The following CACNA1B variants were observed in gnomAD, a reference collection of about 807,000 sequenced individuals.
CACNA1B encodes voltage-dependent N-type calcium channel subunit alpha-1B.
In CACNA1B, 70 loss-of-function variants were observed where a neutral mutation model predicts 247.2. The observed-to-expected ratio is 0.28, with a 90% CI of 0.23 to 0.35. The LOEUF is 0.35. CACNA1B is among the 10% of genes least tolerant of loss of function. CACNA1B has a pLI of 1.00. For synonymous variants in CACNA1B, 1,231 were observed against 1,294.4 expected (o/e 0.95, Z 1.05); for missense variants, 2,367 against 3,197.4 (o/e 0.74, Z 6.26).
intron 35 of CACNA1B, among the ~76,000 whole-genome samples, chr9:138,076,309 C>T (rs7036881): frequency 0.014 from 2,190 of 152,296 alleles, 47 homozygotes; most frequent in Non-Finnish European, 0.015. Flanking sequence ...CACCTGCGCC[C>T]TTGTTGATTA....
At chr9:137,878,274 G>C in intron 1 of CACNA1B, 57 bp downstream of exon 1, 1 of 1,147,244 alleles carries the variant, frequency 8.7e-7, no homozygotes, top group Non-Finnish European at 1.1e-6. Context: ...GGGGGCCGGG[G>C]CCGGGGCCAT....
chr9:138,050,194 C>A lies in CACNA1B; in HGVS notation c.3710+879C>A. ...CACCCCCCGCCCATCCACTTTCACCCCATCGGGGCTGCATGCTGCCGGGAG... is the reference window on the plus strand; with the variant it reads ...CACCCCCCGCCCATCCACTTTCACCACATCGGGGCTGCATGCTGCCGGGAG... On this transcript the variant is annotated intron_variant, in intron 24 of 46. Transcript: ENST00000371372. The surrounding 1 kb of genome is among the most constrained non-coding windows in gnomAD (Gnocchi z 5.2). The A allele has an allele frequency of 6.0e-6, 5 of 828,666 alleles. No homozygotes were observed. Among genetic ancestry groups the A allele is most frequent in the South Asian group, 5.6e-5 (4 of 71,502 alleles). 51.3% of individuals were successfully genotyped at this position (828,666 alleles called of 1,614,324 possible). A position where few individuals can be genotyped will look rare whatever the true frequency, so the allele number is the denominator to read the frequency against.
rs1958887281 is a variant in CACNA1B at position 138,023,947 on chromosome 9, G to T, written c.3068+136G>T. On this transcript the variant is annotated intron_variant, in intron 19 of 46. Transcript: ENST00000371372. ...CGCTGCCATGTCCAGAGCCGTCGGG[G>T]CTGGGGTCTCTGCATGCCGTTCACG... is the stretch of plus-strand genomic sequence containing the variant. The T allele has an allele frequency of 3.8e-5, 23 of 599,314 alleles. No homozygotes were observed. In the South Asian group the frequency reaches 4.4e-4, roughly 11 times the overall value. 37.1% of individuals were successfully genotyped at this position (599,314 alleles called of 1,614,324 possible).
chr9:138,026,622 G>A (rs1046017111), intron 20 of CACNA1B, among the ~76,000 whole-genome samples: 6 of 152,146 alleles, frequency 3.9e-5, no homozygotes, highest in African/African-American at 1.4e-4. Context: ...TGTTTTAAGC[G>A]TTGGATTAAT....
rs760409412 is a variant in CACNA1B at position 137,986,578 on chromosome 9, G to C, written c.1901+34G>C. ...GCCCGGGAGGGAGAGCTCAAGGCTG[G>C]GGGCTTGCAGGGAAGCAGAGCTCAG... On this transcript the variant is annotated intron_variant, in intron 14 of 46. Coordinates refer to ENST00000371372, the MANE Select transcript of CACNA1B (RefSeq NM_000718.4). The surrounding 1 kb of genome is among the most constrained non-coding windows in gnomAD (Gnocchi z 6.0). The C allele has an allele frequency of 1.3e-5, 21 of 1,611,912 alleles. No homozygotes were observed. The highest frequency in any genetic ancestry group is 3.3e-5 in the Admixed American group (2 of 59,876).
rs1233010718 is a variant in CACNA1B, at chr9:138,000,755, C to T, written c.1975-6012C>T. On this transcript the variant is annotated intron_variant, in intron 15 of 46. Coordinates refer to ENST00000371372, the MANE Select transcript of CACNA1B (RefSeq NM_000718.4). ...TTTTATCCACTGACCATCCTAAGCACCTGAATATCGCCCAACACGGCAGGT... is the reference window on the plus strand; with the variant it reads ...TTTTATCCACTGACCATCCTAAGCATCTGAATATCGCCCAACACGGCAGGT... Among the ~76,000 whole-genome samples the T allele has an allele frequency of 2.6e-5, 4 of 152,158 alleles. 1 individual carries two copies. The East Asian group carries it at 7.7e-4, about 29-fold the overall frequency.
chr9:138,044,825 T>TGCCTCCTCCCCCC (rs1433729520), intron 21 of CACNA1B, among the ~76,000 whole-genome samples: 17 of 152,240 alleles, frequency 1.1e-4, no homozygotes, highest in Non-Finnish European at 5.9e-5. Flanking sequence ...CCCCGCTCCC[T>TGCCTCCTCCCCCC]GCCTCCTCCC....
chr9:138,074,928 C>T (rs1472267968), intron 34 of CACNA1B, among the ~76,000 whole-genome samples: 3 of 152,212 alleles, frequency 2.0e-5, no homozygotes, highest in East Asian at 3.8e-4. Context: ...AGGAGCGCAT[C>T]GGATCCTTGC....
Position 137,888,617 on chromosome 9 carries a change from G to T in CACNA1B, c.530+5734G>T, listed in dbSNP as rs1957051616. On this transcript the variant is annotated intron_variant, in intron 3 of 46. Coordinates refer to ENST00000371372, the MANE Select transcript of CACNA1B (RefSeq NM_000718.4). The surrounding 1 kb of genome is among the most constrained non-coding windows in gnomAD (Gnocchi z 4.7). ...AAATTAAACTGGGATTTCTTTCCAG[G>T]ACATGTAATTAGAGCCCAGCTTTCT... is the stretch of plus-strand genomic sequence containing the variant. 6.6e-6 allele frequency among the ~76,000 whole-genome samples: 1 copy of T among 152,180 alleles called. No homozygotes were observed. Among genetic ancestry groups the T allele is most frequent in the African/African-American group, 2.4e-5 (1 of 41,448 alleles).
chr9:138,116,977 G>A (rs537177042), intron 42 of CACNA1B, among the ~76,000 whole-genome samples: 6 of 152,144 alleles, frequency 3.9e-5, no homozygotes, highest in African/African-American at 9.7e-5. Context: ...CCATCTCTGC[G>A]TCCACTGCTG....
intron 6 of CACNA1B, among the ~76,000 whole-genome samples, chr9:137,951,333 G>T (rs570724811): frequency 3.3e-5 from 5 of 152,212 alleles, no homozygotes; most frequent in African/African-American, 1.2e-4. Flanking sequence ...CTGCAAATCC[G>T]CCAGGCTGGC....
intron 10 of CACNA1B, among the ~76,000 whole-genome samples, chr9:137,963,374 AT>A (rs2133354653): frequency 6.6e-6 from 1 of 152,182 alleles, no homozygotes; most frequent in East Asian, 1.9e-4. Context: ...CATTTAGCCT[AT>A]TTACATTTAA....
At position 138,119,537 on chromosome 9, in the gene CACNA1B, G is replaced by A. The variant is rs533745500; in HGVS notation, c.6031-628G>A. Among the ~76,000 whole-genome samples, 34 of 152,252 alleles carry A rather than the reference G, an allele frequency of 2.2e-4. 1 individual carries two copies. Among genetic ancestry groups the A allele is most frequent in the Non-Finnish European group, 4.3e-4 (29 of 68,004 alleles). ...TGGATCTGAACCTCGTCCGTGGCTCGTCTCCCATCCCACTGCTGTGGCCAG... is the reference window on the plus strand; with the variant it reads ...TGGATCTGAACCTCGTCCGTGGCTCATCTCCCATCCCACTGCTGTGGCCAG... On this transcript the variant is annotated intron_variant, in intron 44 of 46. Transcript: ENST00000371372.
intron 36 of CACNA1B, among the ~76,000 whole-genome samples, chr9:138,080,583 C>T (rs753718576): frequency 6.6e-6 from 1 of 152,114 alleles, no homozygotes. Flanking sequence ...CGTCCCATCT[C>T]TGTGGATCTT....
intron 15 of CACNA1B, among the ~76,000 whole-genome samples, chr9:137,987,634 A>G (rs1226879198): frequency 1.3e-5 from 2 of 152,048 alleles, no homozygotes; most frequent in Non-Finnish European, 2.9e-5. Context: ...GGGGCTGCTG[A>G]TCCTACCCTT....
chr9:138,105,883 G>A (rs1589131170), intron 39 of CACNA1B, 76 bp downstream of exon 39: 1 of 804,376 alleles, frequency 1.2e-6, no homozygotes, highest in Non-Finnish European at 2.1e-6. Flanking sequence ...AGCCCCAGGA[G>A]GACACGCAGG....
In CACNA1B at chr9:138,121,547, C is replaced by T. The variant is rs1259064668; in HGVS notation, c.6568C>T (p.Leu2190Phe). The change falls in exon 47 of 47, where the codon CTC (leucine) becomes TTC (phenylalanine). Residue 2190 changes from leucine to phenylalanine, a missense_variant. By Grantham distance (22) the Leu-to-Phe change is conservative. Around this residue, in one of 12 missense-constraint regions of CACNA1B, gnomAD observed 773 missense variants for 779.4 expected, o/e 0.99. Coordinates refer to ENST00000371372, the MANE Select transcript of CACNA1B (RefSeq NM_000718.4). This position sits in a 1 kb window ranked among gnomAD's most constrained non-coding sequence, Gnocchi z 6.8. ...STPGRGGRRQ[L>F]PQTPLTPRPS... ...CCCCGGCCGCGGTGGGCGGAGGCAGCTCCCCCAGACGCCCCTGACTCCCCG... is the reference window on the plus strand; with the variant it reads ...CCCCGGCCGCGGTGGGCGGAGGCAGTTCCCCCAGACGCCCCTGACTCCCCG... 4.4e-6 allele frequency: 7 copies of T among 1,596,678 alleles called. No individual in the cohort carries two copies. Among genetic ancestry groups the T allele is most frequent in the Non-Finnish European group, 6.0e-6 (7 of 1,169,444 alleles).
chr9:137,927,322 A>G (rs1957563025), intron 6 of CACNA1B, among the ~76,000 whole-genome samples: 2 of 151,384 alleles, frequency 1.3e-5, no homozygotes, highest in Admixed American at 1.3e-4. Context: ...TCCTGGGTTC[A>G]AGTGATTCTC....
In CACNA1B at chr9:137,914,775, G is replaced by A; in HGVS notation, c.744G>A (p.Lys248=). ...TTGGCCTGGAGTTCTACATGGGCAAGTTCCACAAGGCCTGTTTCCCCAACA... is the reference window on the plus strand; with the variant it reads ...TTGGCCTGGAGTTCTACATGGGCAAATTCCACAAGGCCTGTTTCCCCAACA... ...AIIGLEFYMG[K]FHKACFPNST... The change falls in exon 5 of 47, where the codon AAG becomes AAA. Residue 248 remains lysine, a synonymous_variant. Coordinates refer to ENST00000371372, the MANE Select transcript of CACNA1B (RefSeq NM_000718.4). This position sits in a 1 kb window ranked among gnomAD's most constrained non-coding sequence, Gnocchi z 4.3. 6.2e-7 allele frequency: 1 copy of A among 1,613,994 alleles called. No individual in the cohort carries two copies. The highest frequency in any genetic ancestry group is 8.5e-7 in the Non-Finnish European group (1 of 1,179,890).
Sources: allele counts gnomAD v4.1 joint callset (sites outside exome capture counted in the v4.1 genomes callset), GRCh38; gene constraint gnomAD v4.1.1; regional missense constraint gnomAD v4.1.1; non-coding constraint Gnocchi (gnomAD v3.1); transcripts MANE v1.5; gene names NCBI Gene and HGNC (gene_info 2026-07-23, HGNC 2026-07-21).